Variants in PAX7 observed in about 807,000 individuals in gnomAD.
PAX7 encodes the protein paired box 7.
In PAX7, 18 loss-of-function variants were observed where a neutral mutation model predicts 50.7. The ratio of observed to expected loss-of-function variants is 0.36; its 90% CI spans 0.25 to 0.53. The LOEUF (loss-of-function observed/expected upper bound fraction) is 0.53, where lower values mean the gene tolerates loss of function less well. PAX7 is among the 20% of genes least tolerant of loss of function. The probability of loss-of-function intolerance (pLI) is 0.93; values close to 1 mark genes in which losing one functional copy is unlikely to be tolerated. For synonymous variants in PAX7, 310 were observed against 290.4 expected, an observed-to-expected ratio of 1.07 and a Z score of -0.69; for missense variants, 644 against 702.9, an observed-to-expected ratio of 0.92 and a Z score of 0.95.
intron 7 of PAX7, among the ~76,000 whole-genome samples, chr1:18,727,383 C>T (rs58153070): frequency 0.045 from 6,747 of 149,954 alleles, 485 homozygotes; most frequent in African/African-American, 0.15. Context: ...CACACACACA[C>T]ACACACACAC....
At position 18,635,259 on chromosome 1, in the gene PAX7, C is replaced by T. The variant is rs113911034; in HGVS notation, c.451+19C>T. ...CCCTCAGGTGAGAAGGCAGCTGAGC[C>T]GGCAGAGCTGGCCCAGAGTGTGGCC... is the stretch of plus-strand genomic sequence containing the variant. On this transcript the variant is annotated intron_variant, in intron 3 of 8. Transcript: ENST00000420770. The T allele has an allele frequency of 1.8e-3, 2,932 of 1,612,108 alleles. 49 individuals carry two copies. In the African/African-American group the frequency reaches 0.033, roughly 18 times the overall value.
At chr1:18,633,668 G>A (rs2088096272) in intron 1 of PAX7, among the ~76,000 whole-genome samples, 1 of 152,226 alleles carries the variant, frequency 6.6e-6, no homozygotes. Flanking sequence ...GGAGGCAGCA[G>A]CCAACAGCAT....
At chr1:18,698,707 G>A (rs539695047) in intron 5 of PAX7, among the ~76,000 whole-genome samples, 44 of 152,266 alleles carry the variant, frequency 2.9e-4, no homozygotes, top group African/African-American at 4.1e-4. Context: ...GGAAACCCTC[G>A]GCGCCCTGTG....
chr1:18,716,882 C>T (rs1022730482), intron 7 of PAX7, among the ~76,000 whole-genome samples: 195 of 152,192 alleles, frequency 1.3e-3, no homozygotes, highest in African/African-American at 4.5e-3. Context: ...CCCGTGTCCC[C>T]TTTCCGAATT....
chr1:18,633,166 G>T (rs2088084904), intron 1 of PAX7, among the ~76,000 whole-genome samples: 1 of 152,158 alleles, frequency 6.6e-6, no homozygotes, highest in Admixed American at 6.5e-5. Context: ...GACCGGGAGA[G>T]CGAGGGAGGG....
chr1:18,744,468 ATG>A (rs1931320012), intron 8 of PAX7, among the ~76,000 whole-genome samples: 3 of 150,900 alleles, frequency 2.0e-5, no homozygotes, highest in Non-Finnish European at 4.4e-5. Context: ...GGATGGATGG[ATG>A]GATGGATGGA....
At chr1:18,697,179 C>G (rs948341246) in intron 5 of PAX7, among the ~76,000 whole-genome samples, 1 of 152,194 alleles carries the variant, frequency 6.6e-6, no homozygotes, top group Non-Finnish European at 1.5e-5. Flanking sequence ...ACACAGTACA[C>G]AGATGGCATC....
Position 18,683,959 on chromosome 1 carries a change from G to A in PAX7, c.587-7795G>A, listed in dbSNP as rs528103502. Among the ~76,000 whole-genome samples, 29 of 152,320 alleles carry A rather than the reference G, an allele frequency of 1.9e-4. 1 individual carries two copies. The highest frequency in any genetic ancestry group is 5.3e-4 in the African/African-American group (22 of 41,578). ...TCTGTGATTGTGCTGAGGGAGGGTC[G>A]AGGGTTTCTCTGTTATTATCTGTGT... On this transcript the variant is annotated intron_variant, in intron 4 of 8. Coordinates refer to ENST00000420770, the MANE Select transcript of PAX7 (RefSeq NM_001135254.2).
chr1:18,665,004 C>T (rs2088648296), intron 4 of PAX7, among the ~76,000 whole-genome samples: 1 of 152,140 alleles, frequency 6.6e-6, no homozygotes, highest in African/African-American at 2.4e-5. Flanking sequence ...AGTCCTGACT[C>T]TGCTGTGTGT....
chr1:18,656,164 G>A (rs933591098), intron 4 of PAX7, among the ~76,000 whole-genome samples: 18 of 152,186 alleles, frequency 1.2e-4, no homozygotes, highest in African/African-American at 4.1e-4. Flanking sequence ...ATGACTGGTA[G>A]CTATTATTCT....
At chr1:18,696,778 T>TG (rs2089155611) in intron 5 of PAX7, among the ~76,000 whole-genome samples, 1 of 151,776 alleles carries the variant, frequency 6.6e-6, no homozygotes, top group African/African-American at 2.4e-5. Flanking sequence ...AGGGGAGAAG[T>TG]GGGGATGGTT....
chr1:18,670,704 G>A (rs2088735564), intron 4 of PAX7, among the ~76,000 whole-genome samples: 1 of 152,190 alleles, frequency 6.6e-6, no homozygotes. Flanking sequence ...CCTGGTCAGA[G>A]GGTGCCAGCC....
chr1:18,647,426 G>A (rs929135611), intron 4 of PAX7, among the ~76,000 whole-genome samples: 2 of 151,600 alleles, frequency 1.3e-5, no homozygotes, highest in South Asian at 4.2e-4. Flanking sequence ...CCGCTGTGGT[G>A]GCCTGCGAAT....
intron 4 of PAX7, among the ~76,000 whole-genome samples, chr1:18,669,315 C>T (rs1415877593): frequency 6.6e-6 from 1 of 152,194 alleles, no homozygotes; most frequent in Admixed American, 6.5e-5. Context: ...AATCCATAGC[C>T]TCTTTAGAGC....
At chr1:18,692,335 A>C (rs2100297880) in intron 5 of PAX7, among the ~76,000 whole-genome samples, 1 of 152,216 alleles carries the variant, frequency 6.6e-6, no homozygotes, top group East Asian at 1.9e-4. Context: ...TGAGGTCAGC[A>C]GTTCAAGACC....
At chr1:18,731,767 GGATTT>G (rs963793277) in intron 7 of PAX7, among the ~76,000 whole-genome samples, 1 of 152,074 alleles carries the variant, frequency 6.6e-6, no homozygotes, top group Non-Finnish European at 1.5e-5. Flanking sequence ...CCCCAGATGT[GGATTT>G]GATTTGATGT....
At chr1:18,647,062 A>G (rs1211626397) in intron 4 of PAX7, among the ~76,000 whole-genome samples, 1 of 147,978 alleles carries the variant, frequency 6.8e-6, no homozygotes, top group Non-Finnish European at 1.5e-5. Flanking sequence ...CCCGCGCGGG[A>G]AGGGGCGGGG....
chr1:18,686,871 A>G (rs1374962163), intron 4 of PAX7, among the ~76,000 whole-genome samples: 1 of 146,432 alleles, frequency 6.8e-6, no homozygotes, highest in Admixed American at 7.0e-5. Flanking sequence ...TACTCCTATC[A>G]TCTTTATTTT....
chr1:18,635,782 CTG>C (rs1198284112), intron 3 of PAX7, among the ~76,000 whole-genome samples: 1 of 151,958 alleles, frequency 6.6e-6, no homozygotes, highest in African/African-American at 2.4e-5. Context: ...ACCATACTGC[CTG>C]TGAGAGAGAA....
Sources: gnomAD v4.1 joint callset for allele counts (sites outside exome capture counted in the v4.1 genomes callset) on GRCh38, gnomAD v4.1.1 for gene constraint, MANE v1.5 for transcripts, NCBI Gene and HGNC (gene_info 2026-07-23, HGNC 2026-07-21) for gene names.